The following REPS1 variants were observed in gnomAD, a reference collection of about 807,000 sequenced individuals.
REPS1 encodes the protein ralBP1-associated Eps domain-containing protein 1.
A neutral mutation model predicts 100.9 loss-of-function variants in REPS1; 39 were observed. The observed-to-expected ratio is 0.39, with a 90% CI of 0.30 to 0.50. REPS1 has a LOEUF of 0.50. Ranked by LOEUF, REPS1 falls within the 20% of genes least tolerant of loss-of-function variation. The pLI is 0.86. For missense variants in REPS1, 821 were observed against 968.5 expected, an observed-to-expected ratio of 0.85 and a Z score of 2.02; for synonymous variants, 324 against 340.3, an observed-to-expected ratio of 0.95 and a Z score of 0.53.
intron 19 of REPS1, among the ~76,000 whole-genome samples, chr6:138,905,756 T>A (rs1212675886): frequency 6.6e-6 from 1 of 152,176 alleles, no homozygotes; most frequent in African/African-American, 2.4e-5. Flanking sequence ...CGCCCCCTGG[T>A]AGATGAATTT....
chr6:138,909,439 T>C (rs1030548078), intron 17 of REPS1, among the ~76,000 whole-genome samples: 5 of 152,200 alleles, frequency 3.3e-5, no homozygotes, highest in African/African-American at 1.2e-4. Flanking sequence ...TTTAGTTAAG[T>C]GATATTTTTA....
At chr6:138,926,673 G>A in intron 9 of REPS1, 192 bp from the exon 10 acceptor site, 1 of 552,252 alleles carries the variant, frequency 1.8e-6, no homozygotes, top group Admixed American at 3.1e-5. Context: ...GTAAGGTGAG[G>A]AGTTCACAAT....
At position 138,961,187 on chromosome 6, in the gene REPS1, A is replaced by C. The variant is rs185135065; in HGVS notation, c.154-13274T>G. Among the ~76,000 whole-genome samples the C allele has an allele frequency of 4.8e-3, 736 of 152,354 alleles. 3 individuals are homozygous for C. Among genetic ancestry groups the C allele is most frequent in the Middle Eastern group, 0.014 (4 of 294 alleles). On this transcript the variant is annotated intron_variant, in intron 1 of 19. Coordinates refer to ENST00000450536, the MANE Select transcript of REPS1 (RefSeq NM_001286611.2). ...TTATTCACATTTAGCATTTTATCAC[A>C]TAAAATATTAAAAAGATGTATGCTT...
chr6:138,955,457 A>AAAGTGTGTGTGTGTGT (rs10689184), intron 1 of REPS1, among the ~76,000 whole-genome samples: 197 of 90,704 alleles, frequency 2.2e-3, no homozygotes, highest in Non-Finnish European at 3.1e-3. Context: ...AAAAAAAAAA[A>AAAGTGTGTGTGTGTGT]GTGTGTGTGT....
chr6:138,912,727 C>G, intron 16 of REPS1, 38 bp downstream of exon 16: 1 of 1,597,458 alleles, frequency 6.3e-7, no homozygotes, highest in South Asian at 1.1e-5. Context: ...TGGGAAGTGA[C>G]TGCCTGCAGA....
Position 138,908,692 on chromosome 6 carries a change from A to G in REPS1, c.2192T>C (p.Leu731Pro). Residue 731 changes from leucine to proline, a missense_variant, in exon 18 of 20, where the codon CTT (leucine) becomes CCT (proline). By Grantham distance (98) the Leu-to-Pro change is moderately conservative. Around this residue, in one of 3 missense-constraint regions of REPS1, gnomAD observed 757 missense variants for 866.4 expected, o/e 0.87. Coordinates refer to ENST00000450536, the MANE Select transcript of REPS1 (RefSeq NM_001286611.2). ...TQKTGVLAAV[L>P]ASQPSIPRSV... is the part of the protein sequence containing the mutation. ...CCTGGGAATAGAAGGTTGTGATGCA[A>G]GAACAGCAGCTAAGACACCCGTCTT... The G allele has an allele frequency of 6.2e-7, 1 of 1,614,212 alleles. No homozygotes were observed. The highest frequency in any genetic ancestry group is 8.5e-7 in the Non-Finnish European group (1 of 1,180,032).
At chr6:138,941,569 T>C (rs1782249839) in intron 7 of REPS1, 80 bp from the exon 8 acceptor site, 15 of 1,371,044 alleles carry the variant, frequency 1.1e-5, no homozygotes, top group Non-Finnish European at 1.4e-5. Flanking sequence ...AAGAGAAATA[T>C]TTTCCATGAG....
At chr6:138,985,232 A>T (rs1040901848) in intron 1 of REPS1, among the ~76,000 whole-genome samples, 3 of 152,098 alleles carry the variant, frequency 2.0e-5, no homozygotes, top group African/African-American at 7.2e-5. Flanking sequence ...CTCCACCCTA[A>T]TTTAAAGTCC....
intron 9 of REPS1, 26 bp downstream of exon 9, chr6:138,929,951 T>C (rs1456128658): frequency 6.2e-7 from 1 of 1,609,682 alleles, no homozygotes; most frequent in African/African-American, 1.3e-5. Context: ...TAACTTTTAA[T>C]GAAAGAAAAG....
chr6:138,911,245 AAATT>A (rs756596677), intron 17 of REPS1, 27 bp downstream of exon 17: 1 of 1,403,938 alleles, frequency 7.1e-7, no homozygotes, highest in Non-Finnish European at 1.0e-6. Flanking sequence ...ATGATGTACA[AAATT>A]ATTATTATAA....
chr6:138,922,366 T>C (rs1336662079), intron 10 of REPS1, among the ~76,000 whole-genome samples: 1 of 152,214 alleles, frequency 6.6e-6, no homozygotes, highest in African/African-American at 2.4e-5. Flanking sequence ...ACTCCCATTC[T>C]AAGAAGCTAA....
At position 138,908,662 on chromosome 6, in the gene REPS1, G is replaced by A; in HGVS notation, c.2216+6C>T. The A allele has an allele frequency of 1.2e-6, 2 of 1,613,796 alleles. No individual in the cohort carries two copies. The highest frequency in any genetic ancestry group is 1.7e-6 in the Non-Finnish European group (2 of 1,179,820). The stretch of plus-strand genomic sequence containing the variant: ...ATTAAATGTGTCTAGGAATAGCTTT[G>A]ATTACCTGGGAATAGAAGGTTGTGA... On this transcript the variant is annotated splice_donor_region_variant and intron_variant, in intron 18 of 19. Transcript: ENST00000450536.
intron 8 of REPS1, among the ~76,000 whole-genome samples, chr6:138,940,349 T>C (rs145793800): frequency 0.04 from 6,057 of 152,342 alleles, 169 homozygotes; most frequent in Non-Finnish European, 0.06. Context: ...AGTAATTTAT[T>C]TTAATTAGGC....
chr6:138,913,705 T>C (rs1018037307), intron 15 of REPS1, among the ~76,000 whole-genome samples: 2 of 152,252 alleles, frequency 1.3e-5, no homozygotes, highest in Non-Finnish European at 1.5e-5. Context: ...CTTACTACGA[T>C]ATGGACAGCT....
rs149443017 is a variant in REPS1 at position 138,949,422 on chromosome 6, C to T, written c.154-1509G>A. Among the ~76,000 whole-genome samples, 256 of 152,248 alleles carry T rather than the reference C, an allele frequency of 1.7e-3. 1 individual carries two copies. The highest frequency in any genetic ancestry group is 6.0e-3 in the African/African-American group (249 of 41,546). On this transcript the variant is annotated intron_variant, in intron 1 of 19. Transcript: ENST00000450536. ...TTAAATGGACTGTTAATCTTCTTTACTCATTTTAAGAAGTTTTATTGTGGC... is the reference window on the plus strand; with the variant it reads ...TTAAATGGACTGTTAATCTTCTTTATTCATTTTAAGAAGTTTTATTGTGGC...
At chr6:138,936,284 C>A (rs1781832604) in intron 8 of REPS1, among the ~76,000 whole-genome samples, 1 of 152,016 alleles carries the variant, frequency 6.6e-6, no homozygotes, top group Non-Finnish European at 1.5e-5. Flanking sequence ...CCTCGAACTC[C>A]TAGCCTCAAG....
Position 138,912,923 on chromosome 6 carries a change from C to G in REPS1, c.1813G>C (p.Val605Leu). 1 of 1,614,044 alleles carries G rather than the reference C, an allele frequency of 6.2e-7. No individual in the cohort carries two copies. The highest frequency in any genetic ancestry group is 8.5e-7 in the Non-Finnish European group (1 of 1,179,960). The change falls in exon 16 of 20, where the codon GTG (valine) becomes CTG (leucine). Residue 605 changes from valine to leucine, a missense_variant. Physicochemically the swap from Val to Leu is conservative, Grantham distance 32. This residue lies in a region of REPS1 where 757 missense variants were observed against 866.4 expected (regional missense o/e 0.87). Transcript: ENST00000450536. Reference sequence around the variant, plus strand: ...TGAGTTATGAGGCCATCGGCATCCACTGGGCGATGCACAGCAGGACCAGGA... The same window carrying G: ...TGAGTTATGAGGCCATCGGCATCCAGTGGGCGATGCACAGCAGGACCAGGA... ...QAPGPAVHRP[V>L]DADGLITHTS...
At chr6:138,907,448 T>G in intron 19 of REPS1, 47 bp downstream of exon 19, 1 of 1,341,826 alleles carries the variant, frequency 7.5e-7, no homozygotes, top group South Asian at 1.2e-5. Context: ...TCTTTAGGTT[T>G]CTTTACTAAG....
chr6:138,945,540 GCTTACGGATCC>G lies in REPS1; in HGVS notation c.424_434del (p.Gly142ProfsTer2), dbSNP rs1782556231. On this transcript the variant is annotated frameshift_variant, in exon 3 of 20. Transcript: ENST00000450536. LOFTEE classifies it high-confidence loss of function. ...ATGTACGAGGCTGAACCGTATCATG[GCTTACGGATCC>G]CTTTTTCACTTGCCCCCTGCCAGGT... is the stretch of plus-strand genomic sequence containing the variant. 1 of 1,611,236 alleles carries G rather than the reference GCTTACGGATCC, an allele frequency of 6.2e-7. No individual in the cohort carries two copies.
Sources: allele counts gnomAD v4.1 joint callset (sites outside exome capture counted in the v4.1 genomes callset), GRCh38; gene constraint gnomAD v4.1.1; regional missense constraint gnomAD v4.1.1; transcripts MANE v1.5; gene names NCBI Gene and HGNC (gene_info 2026-07-23, HGNC 2026-07-21).